The following FCHSD2 variants were observed in gnomAD, a reference collection of about 807,000 sequenced individuals.
FCHSD2 encodes the protein FCH and double SH3 domains 2.
A neutral mutation model predicts 108.1 loss-of-function variants in FCHSD2; 38 were observed. The observed-to-expected ratio is 0.35, with a 90% CI of 0.27 to 0.46. The LOEUF (loss-of-function observed/expected upper bound fraction) is 0.46. Ranked by LOEUF, FCHSD2 falls within the 20% of genes least tolerant of loss-of-function variation. The pLI is 1.00. For synonymous variants in FCHSD2, 279 were observed against 314.7 expected, an observed-to-expected ratio of 0.89 and a Z score of 1.20; for missense variants, 751 against 897.8, an observed-to-expected ratio of 0.84 and a Z score of 2.09.
intron 5 of FCHSD2, among the ~76,000 whole-genome samples, chr11:72,993,933 G>A (rs543024992): frequency 3.9e-5 from 6 of 152,008 alleles, no homozygotes; most frequent in African/African-American, 7.2e-5. Context: ...AATAAATATC[G>A]GATAGAAAAG....
intron 9 of FCHSD2, among the ~76,000 whole-genome samples, chr11:72,915,059 A>G (rs568117260): frequency 1.2e-4 from 18 of 152,018 alleles, no homozygotes; most frequent in African/African-American, 3.4e-4. Flanking sequence ...GAAAGAAACA[A>G]ACAACTTCAT....
chr11:73,062,362 A>C (rs1166617468), intron 3 of FCHSD2, among the ~76,000 whole-genome samples: 1 of 152,220 alleles, frequency 6.6e-6, no homozygotes, highest in African/African-American at 2.4e-5. Context: ...AAAATTCCAA[A>C]AGCCAAAATG....
intron 4 of FCHSD2, among the ~76,000 whole-genome samples, chr11:73,006,489 T>TA (rs1857743774): frequency 6.6e-6 from 1 of 152,146 alleles, no homozygotes; most frequent in Non-Finnish European, 1.5e-5. Context: ...TTGCTAGACT[T>TA]AAAAAATACC....
intron 9 of FCHSD2, among the ~76,000 whole-genome samples, chr11:72,911,295 T>G (rs1855759809): frequency 6.6e-6 from 1 of 152,260 alleles, no homozygotes; most frequent in Admixed American, 6.5e-5. Context: ...ATGAGTTCAC[T>G]GCAGATAGGT....
At chr11:72,985,004 C>T in intron 7 of FCHSD2, 58 bp downstream of exon 7, 1 of 724,860 alleles carries the variant, frequency 1.4e-6, no homozygotes, top group South Asian at 1.6e-5. Context: ...AGATCCAATT[C>T]TCTGTTTTAC....
chr11:72,838,479 G>A lies in FCHSD2; in HGVS notation c.*312C>T, dbSNP rs2135142801. 1 of 405,052 alleles carries A rather than the reference G, an allele frequency of 2.5e-6. No homozygotes were observed. The highest frequency in any genetic ancestry group is 4.7e-5 in the East Asian group (1 of 21,186). The allele number at this position is 405,052 out of a possible 1,614,324, so 25.1% of individuals were successfully genotyped here. A position where few individuals can be genotyped will look rare whatever the true frequency, so the allele number is the denominator to read the frequency against. ...TAATTTAGGGACTGTGCCCTGGAAT[G>A]AGGCCTGTTCTTGAGTCTCATATAA... On this transcript the variant is annotated 3_prime_UTR_variant, in exon 20 of 20. Coordinates refer to ENST00000409418, the MANE Select transcript of FCHSD2 (RefSeq NM_014824.3).
At chr11:72,885,178 C>G (rs1591369346) in intron 12 of FCHSD2, among the ~76,000 whole-genome samples, 1 of 152,044 alleles carries the variant, frequency 6.6e-6, no homozygotes, top group East Asian at 1.9e-4. Context: ...AATATGCCCT[C>G]ATATTTGCTG....
chr11:73,114,900 CA>C (rs554403566), intron 2 of FCHSD2, among the ~76,000 whole-genome samples: 23 of 152,226 alleles, frequency 1.5e-4, no homozygotes, highest in African/African-American at 5.5e-4. Context: ...GGAGGGGTGG[CA>C]CAAGTACTCC....
At chr11:72,974,779 T>C (rs1224538904) in intron 8 of FCHSD2, among the ~76,000 whole-genome samples, 3 of 151,634 alleles carry the variant, frequency 2.0e-5, no homozygotes, top group Non-Finnish European at 2.9e-5. Flanking sequence ...CTGAGTCAAA[T>C]GATTACTCTC....
chr11:72,917,892 TAAA>T (rs879471036), intron 9 of FCHSD2, among the ~76,000 whole-genome samples: 1 of 136,858 alleles, frequency 7.3e-6, no homozygotes, highest in Non-Finnish European at 1.6e-5. Flanking sequence ...TGTCTCAAAT[TAAA>T]AAAAAAAAAA....
At chr11:72,992,873 A>C (rs1857444596) in intron 5 of FCHSD2, among the ~76,000 whole-genome samples, 1 of 152,238 alleles carries the variant, frequency 6.6e-6, no homozygotes, top group Non-Finnish European at 1.5e-5. Context: ...CTAAAACACG[A>C]AAAGCAATGG....
At chr11:73,009,633 TCTC>T (rs907672649) in intron 4 of FCHSD2, among the ~76,000 whole-genome samples, 10 of 152,296 alleles carry the variant, frequency 6.6e-5, no homozygotes, top group Admixed American at 5.9e-4. Flanking sequence ...AGAATTTACT[TCTC>T]CTTCATTTAT....
chr11:72,953,278 A>G (rs189815053), intron 8 of FCHSD2, among the ~76,000 whole-genome samples: 1 of 152,338 alleles, frequency 6.6e-6, no homozygotes, highest in East Asian at 1.9e-4. Context: ...CCAGAAACCT[A>G]CTGCTGGTGA....
Position 72,866,820 on chromosome 11 carries a change from G to A in FCHSD2, c.1308+1045C>T, listed in dbSNP as rs776102336. ...CTTCCAAGAATGTTGAAAAATTTTCGTCAGTTTCGCTAGCAAGCCTGCCTG... is the reference window on the plus strand; with the variant it reads ...CTTCCAAGAATGTTGAAAAATTTTCATCAGTTTCGCTAGCAAGCCTGCCTG... On this transcript the variant is annotated intron_variant, in intron 13 of 19. Transcript: ENST00000409418. 1.1e-4 allele frequency among the ~76,000 whole-genome samples: 16 copies of A among 152,096 alleles called. 1 individual carries two copies. The South Asian group carries it at 2.1e-3, about 20-fold the overall frequency.
chr11:73,124,682 G>A (rs1591573888), intron 2 of FCHSD2, among the ~76,000 whole-genome samples: 3 of 152,166 alleles, frequency 2.0e-5, no homozygotes, highest in Middle Eastern at 6.8e-3. Context: ...CTTGAACCAA[G>A]GGGGCGGAGG....
intron 4 of FCHSD2, among the ~76,000 whole-genome samples, chr11:73,006,847 A>G (rs935133157): frequency 6.6e-6 from 1 of 152,240 alleles, no homozygotes; most frequent in Non-Finnish European, 1.5e-5. Context: ...GCAGGCACTC[A>G]ATACATATTT....
Position 73,065,689 on chromosome 11 carries a change from A to C in FCHSD2, c.165+18006T>G, listed in dbSNP as rs138232413. On this transcript the variant is annotated intron_variant, in intron 3 of 19. Coordinates refer to ENST00000409418, the MANE Select transcript of FCHSD2 (RefSeq NM_014824.3). ...GGATCCAAAAAATCAATGTGCAAAA[A>C]TCATAAGCATTCCTATACATCAATA... Among the ~76,000 whole-genome samples, 43 of 152,334 alleles carry C rather than the reference A, an allele frequency of 2.8e-4. No individual in the cohort carries two copies. In the East Asian group the frequency reaches 7.7e-3, roughly 27 times the overall value.
chr11:72,944,519 T>C (rs562604126), intron 8 of FCHSD2, among the ~76,000 whole-genome samples: 1 of 152,260 alleles, frequency 6.6e-6, no homozygotes, highest in Admixed American at 6.5e-5. Context: ...TCACCACTCC[T>C]ATTCAACATA....
rs916077874 is a variant in FCHSD2 at position 73,105,225 on chromosome 11, A to G, written c.120-21485T>C. 5.9e-5 allele frequency among the ~76,000 whole-genome samples: 9 copies of G among 152,220 alleles called. No individual in the cohort carries two copies. In the East Asian group the frequency reaches 7.7e-4, roughly 13 times the overall value. ...GACTTAGGAAAAGAACCTAGTATCA[A>G]TTTCATCTAAGACTCTTTCCACAAT... On this transcript the variant is annotated intron_variant, in intron 2 of 19. Transcript: ENST00000409418.
Sources: gnomAD v4.1 joint callset for allele counts (sites outside exome capture counted in the v4.1 genomes callset) on GRCh38, gnomAD v4.1.1 for gene constraint, MANE v1.5 for transcripts, NCBI Gene and HGNC (gene_info 2026-07-23, HGNC 2026-07-21) for gene names.